NSD2: variants seen among roughly 807,000 people sequenced by gnomAD.
The protein encoded by NSD2 is histone-lysine N-methyltransferase NSD2.
A neutral mutation model predicts 139.0 loss-of-function variants in NSD2; 12 were observed. The ratio of observed to expected loss-of-function variants is 0.09; its 90% CI spans 0.06 to 0.14. NSD2 has a LOEUF of 0.14. Ranked by LOEUF, NSD2 falls within the 10% of genes least tolerant of loss-of-function variation. The pLI, the probability that NSD2 is intolerant of heterozygous loss-of-function variation, is 1.00. For synonymous variants in NSD2, 669 were observed against 648.7 expected (o/e 1.03, Z -0.48); for missense variants, 1,155 against 1,745.0 (o/e 0.66, Z 6.02).
chr4:1,912,190 C>T, intron 3 of NSD2: 1 of 298,440 alleles, frequency 3.4e-6, no homozygotes. Flanking sequence ...CTCTCCTCCC[C>T]AGAGGTAATT....
At position 1,972,287 on chromosome 4, in the gene NSD2, G is replaced by A. The variant is rs1050271398; in HGVS notation, c.3373-2576G>A. 3.3e-5 allele frequency among the ~76,000 whole-genome samples: 5 copies of A among 152,176 alleles called. No individual in the cohort carries two copies. The highest frequency in any genetic ancestry group is 4.8e-5 in the African/African-American group (2 of 41,446). On this transcript the variant is annotated intron_variant, in intron 18 of 21. Coordinates refer to ENST00000508803, the MANE Select transcript of NSD2 (RefSeq NM_001042424.3). This position sits in a 1 kb window ranked among gnomAD's most constrained non-coding sequence, Gnocchi z 4.0. The stretch of plus-strand genomic sequence containing the variant: ...ACAAGAGATGATATGGATGAGTGGC[G>A]GTACAGGCTATGTCTCAGCTGGGAA...
chr4:1,889,251 C>T (rs754695728), intron 1 of NSD2, among the ~76,000 whole-genome samples: 1 of 152,096 alleles, frequency 6.6e-6, no homozygotes, highest in Non-Finnish European at 1.5e-5. Context: ...GGCTGGAGTG[C>T]AGTGGTGTAA....
intron 5 of NSD2, among the ~76,000 whole-genome samples, chr4:1,922,799 G>A (rs569788506): frequency 2.0e-5 from 3 of 152,290 alleles, no homozygotes; most frequent in African/African-American, 7.2e-5. Flanking sequence ...GGTGGCAGGC[G>A]CCTGTAATCC....
intron 5 of NSD2, among the ~76,000 whole-genome samples, chr4:1,919,503 C>T (rs1274580595): frequency 6.6e-6 from 1 of 152,162 alleles, no homozygotes. Flanking sequence ...CCCCACTTCC[C>T]ACTTTTGGTT....
rs1727498528 is a variant in NSD2 at position 1,979,240 on chromosome 4, GT to G, written c.*335del. ...GTTAAAGTTAATTGGCATATGGAATGTTTTAATCTCCTCTGAAATGTGTAGC... is the reference window on the plus strand; with the variant it reads ...GTTAAAGTTAATTGGCATATGGAATGTTTAATCTCCTCTGAAATGTGTAGC... On this transcript the variant is annotated 3_prime_UTR_variant, in exon 22 of 22. Transcript: ENST00000508803. 6.8e-6 allele frequency: 2 copies of G among 294,804 alleles called. No individual in the cohort carries two copies. Among genetic ancestry groups the G allele is most frequent in the Admixed American group, 1.0e-4 (2 of 19,524 alleles). The allele number at this position is 294,804 out of a possible 1,614,324, so 18.3% of individuals were successfully genotyped here. A position where few individuals can be genotyped will look rare whatever the true frequency, so the allele number is the denominator to read the frequency against.
intron 3 of NSD2, among the ~76,000 whole-genome samples, chr4:1,913,882 C>G (rs1041904529): frequency 2.6e-5 from 4 of 152,126 alleles, no homozygotes; most frequent in Non-Finnish European, 5.9e-5. Context: ...GGAGAAAAAC[C>G]CACAGGCCCT....
chr4:1,930,340 T>G (rs1721492162), intron 5 of NSD2, among the ~76,000 whole-genome samples: 1 of 152,214 alleles, frequency 6.6e-6, no homozygotes. Flanking sequence ...GTTAGTGGTT[T>G]TGGAAAAGTA....
chr4:1,905,737 T>C (rs1717806579), intron 3 of NSD2, among the ~76,000 whole-genome samples: 1 of 152,220 alleles, frequency 6.6e-6, no homozygotes, highest in African/African-American at 2.4e-5. Context: ...CCATGTGTGC[T>C]CTGCAGGAGT....
At chr4:1,895,708 G>C (rs149237398) in intron 1 of NSD2, among the ~76,000 whole-genome samples, 267 of 152,316 alleles carry the variant, frequency 1.8e-3, no homozygotes, top group African/African-American at 6.1e-3. Flanking sequence ...CCCGGGGAGA[G>C]GGGGGCTCCC....
chr4:1,936,502 C>A (rs1024817978), intron 7 of NSD2, among the ~76,000 whole-genome samples: 1 of 152,028 alleles, frequency 6.6e-6, no homozygotes, highest in African/African-American at 2.4e-5. Flanking sequence ...GAAACCCCAT[C>A]TCTACTAATA....
At chr4:1,965,876 C>T (rs1220567363) in intron 18 of NSD2, among the ~76,000 whole-genome samples, 1 of 152,194 alleles carries the variant, frequency 6.6e-6, no homozygotes, top group Non-Finnish European at 1.5e-5. Flanking sequence ...AGGAAACCCT[C>T]CCATAATCCA....
At chr4:1,879,696 C>T (rs905179282) in intron 1 of NSD2, among the ~76,000 whole-genome samples, 2 of 151,982 alleles carry the variant, frequency 1.3e-5, no homozygotes, top group Non-Finnish European at 2.9e-5. Flanking sequence ...TTTGCATGTG[C>T]TGTTGCTTCT....
Position 1,948,389 on chromosome 4 carries a change from C to T in NSD2, c.1882-2683C>T. On this transcript the variant is annotated intron_variant, in intron 9 of 21. Transcript: ENST00000508803. The surrounding 1 kb of genome is among the most constrained non-coding windows in gnomAD (Gnocchi z 4.5). ...AATGTGCCACCTCCACAAATGGCTT[C>T]TCCGAGTGAGTCACGTCACCTGGTG... 9.4e-7 allele frequency: 1 copy of T among 1,066,320 alleles called. No individual in the cohort carries two copies. Among genetic ancestry groups the T allele is most frequent in the Non-Finnish European group, 1.1e-6 (1 of 878,980 alleles). The allele number at this position is 1,066,320 out of a possible 1,614,324, so 66.1% of individuals were successfully genotyped here. A position where few individuals can be genotyped will look rare whatever the true frequency, so the allele number is the denominator to read the frequency against.
chr4:1,966,152 G>A (rs1725862186), intron 18 of NSD2, among the ~76,000 whole-genome samples: 3 of 152,200 alleles, frequency 2.0e-5, no homozygotes, highest in East Asian at 1.9e-4. Flanking sequence ...AAAAGCTGAA[G>A]AAGTTTTTTA....
intron 2 of NSD2, 58 bp downstream of exon 2, chr4:1,901,309 C>A: frequency 7.1e-7 from 1 of 1,413,834 alleles, no homozygotes; most frequent in Non-Finnish European, 9.5e-7. Context: ...GCATGGCCAC[C>A]CTATGAGGGC....
rs1263325590 is a variant in NSD2 at position 1,910,920 on chromosome 4, T to C, written c.761-5951T>C. On this transcript the variant is annotated intron_variant, in intron 3 of 21. Transcript: ENST00000508803. ...TTTCCCAGGGAGCTCTGTGGTCTCA[T>C]GTCGTTGTGACTTTGCTCCTGTGCT... is the stretch of plus-strand genomic sequence containing the variant. Among the ~76,000 whole-genome samples the C allele has an allele frequency of 3.3e-5, 5 of 152,342 alleles. No homozygotes were observed. The East Asian group carries it at 5.8e-4, about 18-fold the overall frequency.
intron 17 of NSD2, 132 bp downstream of exon 17, chr4:1,959,872 T>G (rs1394014912): frequency 5.0e-6 from 6 of 1,196,246 alleles, no homozygotes; most frequent in Non-Finnish European, 6.9e-6. Flanking sequence ...TTTTTTGTTT[T>G]TGTTTTGAGA....
chr4:1,974,466 A>G lies in NSD2; in HGVS notation c.3373-397A>G, dbSNP rs914369033. On this transcript the variant is annotated intron_variant, in intron 18 of 21. Transcript: ENST00000508803. The surrounding 1 kb of genome is among the most constrained non-coding windows in gnomAD (Gnocchi z 4.0). Reference sequence around the variant, plus strand: ...TGACCTCAGGTGATCTGCCTGCTTCAGCCTCCCAAAGTGCTGGGATTACAG... The same window carrying G: ...TGACCTCAGGTGATCTGCCTGCTTCGGCCTCCCAAAGTGCTGGGATTACAG... Among the ~76,000 whole-genome samples the G allele has an allele frequency of 6.6e-6, 1 of 152,124 alleles. No individual in the cohort carries two copies. The highest frequency in any genetic ancestry group is 1.5e-5 in the Non-Finnish European group (1 of 68,028).
chr4:1,962,154 G>GT (rs1284607450), intron 18 of NSD2, among the ~76,000 whole-genome samples: 1 of 151,908 alleles, frequency 6.6e-6, no homozygotes, highest in Non-Finnish European at 1.5e-5. Flanking sequence ...TACCCCTGCA[G>GT]TAGTGGGGCA....
Sources: allele counts gnomAD v4.1 joint callset (sites outside exome capture counted in the v4.1 genomes callset), GRCh38; gene constraint gnomAD v4.1.1; non-coding constraint Gnocchi (gnomAD v3.1); transcripts MANE v1.5; gene names NCBI Gene and HGNC (gene_info 2026-07-23, HGNC 2026-07-21).